The following DNMT3B variants were observed in gnomAD, a reference collection of about 807,000 sequenced individuals.
DNMT3B encodes DNA methyltransferase 3 beta, also known as DNA (cytosine-5)-methyltransferase 3B.
In DNMT3B, 37 loss-of-function variants were observed where a neutral mutation model predicts 120.2. The ratio of observed to expected loss-of-function variants is 0.31; its 90% CI spans 0.24 to 0.40. The LOEUF (loss-of-function observed/expected upper bound fraction) is 0.40. Ranked by LOEUF, DNMT3B falls within the 10% of genes least tolerant of loss-of-function variation. The pLI is 1.00. For synonymous variants in DNMT3B, 412 were observed against 442.8 expected (o/e 0.93, Z 0.87); for missense variants, 878 against 1,137.3 (o/e 0.77, Z 3.28).
At chr20:32,792,513 G>C (rs1980093290) in intron 8 of DNMT3B, 113 bp from the exon 9 acceptor site, 6 of 1,580,066 alleles carry the variant, frequency 3.8e-6, no homozygotes, top group Non-Finnish European at 5.2e-6. Flanking sequence ...GTCTGGCTAT[G>C]AAAGGGCCCA....
intron 9 of DNMT3B, among the ~76,000 whole-genome samples, chr20:32,793,085 A>G (rs1980179000): frequency 6.6e-6 from 1 of 151,626 alleles, no homozygotes; most frequent in Non-Finnish European, 1.5e-5. Context: ...TCATTTGAGA[A>G]AATTGGAAAG....
intron 10 of DNMT3B, among the ~76,000 whole-genome samples, chr20:32,793,961 A>G (rs902535613): frequency 6.6e-6 from 1 of 152,176 alleles, no homozygotes; most frequent in Admixed American, 6.5e-5. Flanking sequence ...TTTTCTGTGT[A>G]GATGGAATAG....
chr20:32,794,012 G>A (rs1454532037), intron 10 of DNMT3B, among the ~76,000 whole-genome samples: 7 of 151,968 alleles, frequency 4.6e-5, no homozygotes, highest in Admixed American at 2.6e-4. Context: ...TATAGAATGG[G>A]AGCCATATTA....
chr20:32,764,879 A>C lies in DNMT3B; in HGVS notation c.-7+2180A>C, dbSNP rs946690849. 8.5e-5 allele frequency among the ~76,000 whole-genome samples: 13 copies of C among 152,146 alleles called. 1 individual carries two copies. Among genetic ancestry groups the C allele is most frequent in the Middle Eastern group, 3.2e-3 (1 of 316 alleles). ...GAGGAGCAAGGGAGGTGGGGTTGAG[A>C]GGCTGCTTCCTTCCCTTCCTCCAGC... On this transcript the variant is annotated intron_variant, in intron 1 of 22. Transcript: ENST00000328111.
In DNMT3B at chr20:32,762,705, C is replaced by A; in HGVS notation, c.-7+6C>A. The A allele has an allele frequency of 6.0e-6, 1 of 167,642 alleles. No individual in the cohort carries two copies. The highest frequency in any genetic ancestry group is 1.2e-5 in the Non-Finnish European group (1 of 80,556). The allele number at this position is 167,642 out of a possible 1,614,324, so 10.4% of individuals were successfully genotyped here. A position where few individuals can be genotyped will look rare whatever the true frequency, so the allele number is the denominator to read the frequency against. ...CCCAGCCAGCCCTGCGGCAGGTGAG[C>A]GCCCCGGGGCCCCGGGGAGGCTCGG... On this transcript the variant is annotated splice_donor_region_variant and intron_variant, in intron 1 of 22. Coordinates refer to ENST00000328111, the MANE Select transcript of DNMT3B (RefSeq NM_006892.4).
intron 1 of DNMT3B, among the ~76,000 whole-genome samples, chr20:32,776,178 G>A (rs1282432843): frequency 6.6e-6 from 1 of 151,678 alleles, no homozygotes; most frequent in East Asian, 1.9e-4. Context: ...GCAGTGAGCC[G>A]AGATCGCGCC....
chr20:32,792,698 A>C lies in DNMT3B; in HGVS notation c.994A>C (p.Met332Leu). ...GDSLEDQLKP[M>L]LEWAHGGFKP... is the part of the protein sequence containing the mutation. ...CTCATTGGAGGACCAGCTGAAGCCC[A>C]TGTTGGAGTGGGCCCACGGGGGCTT... Residue 332 changes from methionine to leucine, a missense_variant, in exon 9 of 23, where the codon ATG becomes CTG. Met to Leu is a conservative substitution (Grantham distance 15). This residue lies in a region of DNMT3B where 207 missense variants were observed against 222.6 expected (regional missense o/e 0.93). Coordinates refer to ENST00000328111, the MANE Select transcript of DNMT3B (RefSeq NM_006892.4). The C allele has an allele frequency of 1.9e-6, 3 of 1,614,232 alleles. No individual in the cohort carries two copies. Among genetic ancestry groups the C allele is most frequent in the Non-Finnish European group, 2.5e-6 (3 of 1,180,038 alleles).
At chr20:32,780,223 C>A in intron 1 of DNMT3B, 95 bp from the exon 2 acceptor site, 1 of 1,613,148 alleles carries the variant, frequency 6.2e-7, no homozygotes, top group Non-Finnish European at 8.5e-7. Flanking sequence ...ATCCTGGGGC[C>A]TTGGCCTGAG....
chr20:32,784,189 T>A lies in DNMT3B; in HGVS notation c.205-569T>A, dbSNP rs563857701. On this transcript the variant is annotated intron_variant, in intron 3 of 22. Transcript: ENST00000328111. ...GCGTCGGCCTCCCAAAGTGTTGGGA[T>A]TACACGCCTGGCCTAATTTTTGTAT... Among the ~76,000 whole-genome samples the A allele has an allele frequency of 5.8e-4, 88 of 152,278 alleles. 1 individual carries two copies. Among genetic ancestry groups the A allele is most frequent in the African/African-American group, 2.1e-3 (86 of 41,538 alleles).
intron 1 of DNMT3B, among the ~76,000 whole-genome samples, chr20:32,769,381 C>A (rs184499122): frequency 2.6e-5 from 4 of 152,170 alleles, no homozygotes; most frequent in African/African-American, 4.8e-5. Flanking sequence ...GCCACCATGC[C>A]GGGCCCACTG....
chr20:32,808,074 A>G lies in DNMT3B; in HGVS notation c.*171A>G, dbSNP rs1982163879. On this transcript the variant is annotated 3_prime_UTR_variant, in exon 23 of 23. Coordinates refer to ENST00000328111, the MANE Select transcript of DNMT3B (RefSeq NM_006892.4). ...AGAGCCACCTGACTCTTGCAGGGGT[A>G]GCCTGAGGTGCCGCCTCCTTGTGCA... 7.1e-6 allele frequency: 8 copies of G among 1,130,590 alleles called. No homozygotes were observed. In the Admixed American group the frequency reaches 1.5e-4, roughly 22 times the overall value. 70.0% of individuals were successfully genotyped at this position (1,130,590 alleles called of 1,614,324 possible).
intron 14 of DNMT3B, 91 bp from the exon 15 acceptor site, chr20:32,798,369 G>A (rs1304632142): frequency 2.0e-6 from 3 of 1,529,650 alleles, no homozygotes; most frequent in African/African-American, 1.4e-5. Context: ...CTTTCAGGAG[G>A]GGGTTGGCAT....
chr20:32,786,635 C>T lies in DNMT3B; in HGVS notation c.432+8C>T, dbSNP rs778916645. ...GAGTTCCCGGCTACCAGGGTTGGTTCCCCAGATGCCCAGACCCCTGCCCGC... is the reference window on the plus strand; with the variant it reads ...GAGTTCCCGGCTACCAGGGTTGGTTTCCCAGATGCCCAGACCCCTGCCCGC... On this transcript the variant is annotated splice_region_variant and intron_variant, in intron 5 of 22. Coordinates refer to ENST00000328111, the MANE Select transcript of DNMT3B (RefSeq NM_006892.4). 1.5e-5 allele frequency: 24 copies of T among 1,613,554 alleles called. No homozygotes were observed. Among genetic ancestry groups the T allele is most frequent in the Non-Finnish European group, 1.9e-5 (23 of 1,180,046 alleles).
At chr20:32,790,199 A>G (rs953426388) in intron 7 of DNMT3B, among the ~76,000 whole-genome samples, 3 of 152,212 alleles carry the variant, frequency 2.0e-5, no homozygotes, top group Admixed American at 6.5e-5. Flanking sequence ...GAGCCCCTGC[A>G]TGCAGTTGCC....
At chr20:32,785,295 CT>C (rs1172132515) in intron 4 of DNMT3B, among the ~76,000 whole-genome samples, 1 of 152,210 alleles carries the variant, frequency 6.6e-6, no homozygotes, top group African/African-American at 2.4e-5. Flanking sequence ...CCACCTTGGC[CT>C]CCTAAAGTGC....
At chr20:32,789,094 T>G in intron 7 of DNMT3B, 82 bp downstream of exon 7, 1 of 1,584,862 alleles carries the variant, frequency 6.3e-7, no homozygotes, top group Non-Finnish European at 8.6e-7. Context: ...GGCCTGGGAT[T>G]GTATTCTGCA....
Position 32,777,846 on chromosome 20 carries a change from T to C in DNMT3B, c.-6-2472T>C, listed in dbSNP as rs188795025. Among the ~76,000 whole-genome samples the C allele has an allele frequency of 3.9e-4, 59 of 152,306 alleles. 1 individual carries two copies. In the East Asian group the frequency reaches 8.5e-3, roughly 22 times the overall value. On this transcript the variant is annotated intron_variant, in intron 1 of 22. Transcript: ENST00000328111. ...AGAAAAAGGGCTGAGAAGCAGCTGA[T>C]TGGTCTGATTCAGGCACGTCCCTTG...
chr20:32,803,054 G>C (rs1981550212), intron 20 of DNMT3B, among the ~76,000 whole-genome samples: 2 of 152,172 alleles, frequency 1.3e-5, no homozygotes, highest in African/African-American at 4.8e-5. Flanking sequence ...CAGGCTCATG[G>C]TGACCAACCA....
chr20:32,800,619 G>A (rs1476239070), intron 17 of DNMT3B, among the ~76,000 whole-genome samples: 2 of 152,064 alleles, frequency 1.3e-5, no homozygotes, highest in Non-Finnish European at 2.9e-5. Flanking sequence ...CCACCATGCT[G>A]GGCTAATTTT....
Sources: allele counts gnomAD v4.1 joint callset (sites outside exome capture counted in the v4.1 genomes callset), GRCh38; gene constraint gnomAD v4.1.1; regional missense constraint gnomAD v4.1.1; transcripts MANE v1.5; gene names NCBI Gene and HGNC (gene_info 2026-07-23, HGNC 2026-07-21).